The following GARNL3 variants were observed in gnomAD, a reference collection of about 807,000 sequenced individuals.
The protein encoded by GARNL3 is GTPase-activating Rap/Ran-GAP domain-like protein 3.
Under a neutral mutation model 125.0 loss-of-function variants are expected in GARNL3, and 63 were observed. The observed-to-expected ratio is 0.50, with a 90% CI of 0.41 to 0.62. GARNL3 has a LOEUF of 0.62. GARNL3 is among the 20% of genes least tolerant of loss of function. The pLI is 0.00. For missense variants in GARNL3, 994 were observed against 1,244.0 expected (o/e 0.80, Z 3.02); for synonymous variants, 439 against 457.5 (o/e 0.96, Z 0.52).
chr9:127,314,029 G>T (rs1425127245), intron 4 of GARNL3, among the ~76,000 whole-genome samples: 1 of 152,144 alleles, frequency 6.6e-6, no homozygotes, highest in African/African-American at 2.4e-5. Flanking sequence ...CTGAACTCGT[G>T]ACCACGGAAG....
intron 22 of GARNL3, among the ~76,000 whole-genome samples, chr9:127,378,594 A>G (rs1398870318): frequency 1.3e-5 from 2 of 151,956 alleles, no homozygotes; most frequent in African/African-American, 4.8e-5. Context: ...TCACAAAAAA[A>G]AAAAAAAAAA....
chr9:127,228,775 G>C (rs563229212), intron 1 of GARNL3, among the ~76,000 whole-genome samples: 1 of 152,036 alleles, frequency 6.6e-6, no homozygotes, highest in Non-Finnish European at 1.5e-5. Context: ...AATTGTGGTT[G>C]TTGTTTTAAA....
intron 22 of GARNL3, among the ~76,000 whole-genome samples, chr9:127,378,330 G>A (rs1054339472): frequency 1.3e-5 from 2 of 151,916 alleles, no homozygotes; most frequent in Non-Finnish European, 2.9e-5. Flanking sequence ...GGTCACGCCT[G>A]TAATCCCAGC....
chr9:127,288,926 G>A (rs142376045), intron 1 of GARNL3, among the ~76,000 whole-genome samples: 32 of 152,210 alleles, frequency 2.1e-4, no homozygotes, highest in Non-Finnish European at 3.8e-4. Context: ...TGTGTCCCAC[G>A]TCTTTATAGA....
At chr9:127,393,017 A>G (rs1832948673) in intron 27 of GARNL3, 66 bp from the exon 28 acceptor site, 1 of 1,336,290 alleles carries the variant, frequency 7.5e-7, no homozygotes, top group East Asian at 2.3e-5. Context: ...GGAAATTGCC[A>G]GAAAAAAATA....
Position 127,311,563 on chromosome 9 carries a change from C to G in GARNL3, c.220-73C>G, listed in dbSNP as rs181246481. Reference sequence around the variant, plus strand: ...ACAATGATTTTTCTGGTTCTTTGGCCGCTGGTTCATTGCCAGGTTCATGTT... The same window carrying G: ...ACAATGATTTTTCTGGTTCTTTGGCGGCTGGTTCATTGCCAGGTTCATGTT... On this transcript the variant is annotated intron_variant, in intron 2 of 27. Transcript: ENST00000373387. 7.9e-3 allele frequency: 8,056 copies of G among 1,014,310 alleles called. 49 individuals are homozygous for G. The highest frequency in any genetic ancestry group is 9.9e-3 in the Non-Finnish European group (6,343 of 639,102). The allele number at this position is 1,014,310 out of a possible 1,614,324, so 62.8% of individuals were successfully genotyped here.
At position 127,385,198 on chromosome 9, in the gene GARNL3, T is replaced by A; in HGVS notation, c.2388+53T>A. 1 of 1,167,428 alleles carries A rather than the reference T, an allele frequency of 8.6e-7. No individual in the cohort carries two copies. Among genetic ancestry groups the A allele is most frequent in the Non-Finnish European group, 1.2e-6 (1 of 815,102 alleles). 72.3% of individuals were successfully genotyped at this position (1,167,428 alleles called of 1,614,324 possible). A position where few individuals can be genotyped will look rare whatever the true frequency, so the allele number is the denominator to read the frequency against. ...AGTGGTTTGGGGGACCCCGGCACTG[T>A]GGGATTTCAGGTGAGCACAGAAGCC... On this transcript the variant is annotated intron_variant, in intron 24 of 27. Coordinates refer to ENST00000373387, the MANE Select transcript of GARNL3 (RefSeq NM_032293.5). This position sits in a 1 kb window ranked among gnomAD's most constrained non-coding sequence, Gnocchi z 4.1.
chr9:127,231,939 C>T (rs1343641445), intron 1 of GARNL3, among the ~76,000 whole-genome samples: 5 of 152,128 alleles, frequency 3.3e-5, no homozygotes, highest in Non-Finnish European at 5.9e-5. Context: ...TACTGCTGGC[C>T]CAGGGACATA....
At chr9:127,391,524 C>CAAAAAAAAAA (rs763160611) in intron 27 of GARNL3, among the ~76,000 whole-genome samples, 1 of 70,474 alleles carries the variant, frequency 1.4e-5, no homozygotes, top group South Asian at 7.1e-4. Context: ...CCCATCTCTA[C>CAAAAAAAAAA]AAAAAAAAAA....
At chr9:127,232,889 C>A (rs1302334269) in intron 1 of GARNL3, among the ~76,000 whole-genome samples, 1 of 152,068 alleles carries the variant, frequency 6.6e-6, no homozygotes, top group African/African-American at 2.4e-5. Context: ...TGTAGGATCC[C>A]AGCAGAAATA....
intron 1 of GARNL3, among the ~76,000 whole-genome samples, chr9:127,288,112 G>C (rs888962600): frequency 7.2e-5 from 11 of 152,240 alleles, no homozygotes; most frequent in Non-Finnish European, 1.5e-4. Flanking sequence ...GGAGAGCGGA[G>C]AGAGCGCCTG....
intron 27 of GARNL3, among the ~76,000 whole-genome samples, chr9:127,391,530 A>AG: frequency 1.7e-5 from 2 of 118,860 alleles, no homozygotes; most frequent in African/African-American, 5.8e-5. Flanking sequence ...TCTACAAAAA[A>AG]AAAATATATA....
rs114155750 is a variant in GARNL3, at chr9:127,323,740, A to G, written c.568-1329A>G. On this transcript the variant is annotated intron_variant, in intron 6 of 27. Transcript: ENST00000373387. The stretch of plus-strand genomic sequence containing the variant: ...ATTCCTCCACCTGTGATTCAGGAAC[A>G]ATTAAACTGCACCCCCCCATAAATA... 6.2e-3 allele frequency among the ~76,000 whole-genome samples: 702 copies of G among 113,204 alleles called. 8 individuals carry two copies. The highest frequency in any genetic ancestry group is 0.026 in the African/African-American group (634 of 24,078). The allele number at this position is 113,204 out of a possible 152,430, so 74.3% of individuals were successfully genotyped here.
In GARNL3 at chr9:127,305,774, ATTTC is replaced by A. The variant is rs1267349071; in HGVS notation, c.220-5859_220-5856del. Among the ~76,000 whole-genome samples the A allele has an allele frequency of 2.6e-5, 4 of 151,714 alleles. No homozygotes were observed. In the East Asian group the frequency reaches 7.7e-4, roughly 29 times the overall value. Reference sequence around the variant, plus strand: ...TTTAATTTTATTTATTTATTTATTTATTTCTTGTAAAGACAGGATCTAACTATGT... The same window carrying A: ...TTTAATTTTATTTATTTATTTATTTATTGTAAAGACAGGATCTAACTATGT... On this transcript the variant is annotated intron_variant, in intron 2 of 27. Transcript: ENST00000373387.
intron 2 of GARNL3, among the ~76,000 whole-genome samples, chr9:127,307,776 T>G (rs1483416466): frequency 1.3e-5 from 2 of 152,122 alleles, no homozygotes; most frequent in East Asian, 3.9e-4. Flanking sequence ...TTTTTTAATG[T>G]GTCAAGTAAA....
intron 24 of GARNL3, 136 bp from the exon 25 acceptor site, chr9:127,387,057 G>A (rs1002283498): frequency 1.2e-5 from 10 of 807,204 alleles, no homozygotes; most frequent in African/African-American, 7.0e-5. Flanking sequence ...TCCATCCCTC[G>A]CCCCGGCATC....
At chr9:127,337,867 T>A (rs1829639189) in intron 11 of GARNL3, among the ~76,000 whole-genome samples, 1 of 152,222 alleles carries the variant, frequency 6.6e-6, no homozygotes, top group Non-Finnish European at 1.5e-5. Context: ...TTCTGACAGC[T>A]TTGGAGATTT....
chr9:127,340,404 T>C (rs1829800660), intron 13 of GARNL3, among the ~76,000 whole-genome samples: 10 of 152,196 alleles, frequency 6.6e-5, no homozygotes, highest in Admixed American at 6.5e-4. Context: ...GGTGGGACTG[T>C]GTCATTGATC....
intron 1 of GARNL3, among the ~76,000 whole-genome samples, chr9:127,231,005 T>C (rs1000662090): frequency 1.0e-4 from 13 of 128,206 alleles, no homozygotes; most frequent in Non-Finnish European, 1.8e-4. Flanking sequence ...TATATACACA[T>C]ATGTGTATAT....
Sources: gnomAD v4.1 joint callset for allele counts (sites outside exome capture counted in the v4.1 genomes callset) on GRCh38, gnomAD v4.1.1 for gene constraint, Gnocchi (gnomAD v3.1) non-coding constraint, MANE v1.5 for transcripts, NCBI Gene and HGNC (gene_info 2026-07-23, HGNC 2026-07-21) for gene names.